SHANK2: variants seen among roughly 807,000 people sequenced by gnomAD.
The protein encoded by SHANK2 is SH3 and multiple ankyrin repeat domains 2.
In SHANK2, 43 loss-of-function variants were observed where a neutral mutation model predicts 133.7. The observed-to-expected ratio is 0.32, with a 90% confidence interval of 0.25 to 0.41. The LOEUF is 0.41. Among genes scored for constraint, SHANK2 ranks in the 10% least tolerant of loss-of-function variants. SHANK2 has a pLI of 1.00. For synonymous variants in SHANK2, 1,017 were observed against 952.8 expected, an observed-to-expected ratio of 1.07 and a Z score of -1.24; for missense variants, 1,994 against 2,235.8, an observed-to-expected ratio of 0.89 and a Z score of 2.18.
chr11:71,155,862 A>T (rs1168067846), intron 2 of SHANK2, among the ~76,000 whole-genome samples: 1 of 152,192 alleles, frequency 6.6e-6, no homozygotes, highest in East Asian at 1.9e-4. Context: ...TCAAATCCGT[A>T]TGTGGAAGTC....
At chr11:70,661,727 A>C (rs200913076) in intron 15 of SHANK2, 49 bp from the exon 16 acceptor site, 1 of 1,614,142 alleles carries the variant, frequency 6.2e-7, no homozygotes, top group Non-Finnish European at 8.5e-7. Flanking sequence ...GCCCGTCATC[A>C]TCACCGCGGC....
chr11:70,605,155 C>T lies in SHANK2; in HGVS notation c.2061+54673G>A, dbSNP rs528460112. ...GGGATGGCGCTTTTTAACAGGGCCA[C>T]GTGTCTTTCTACATAAAAAAAGCCC... On this transcript the variant is annotated intron_variant, in intron 17 of 25. Transcript: ENST00000601538. Among the ~76,000 whole-genome samples the T allele has an allele frequency of 1.1e-3, 161 of 152,100 alleles. 1 individual carries two copies. Among genetic ancestry groups the T allele is most frequent in the Admixed American group, 5.6e-3 (86 of 15,272 alleles).
At chr11:70,595,195 TG>T (rs1284298997) in intron 17 of SHANK2, among the ~76,000 whole-genome samples, 13 of 151,760 alleles carry the variant, frequency 8.6e-5, no homozygotes, top group East Asian at 5.9e-4. Flanking sequence ...CCGGATGGAG[TG>T]GGGGGTGGCC....
At chr11:70,879,508 C>G (rs940208572) in intron 11 of SHANK2, among the ~76,000 whole-genome samples, 2 of 152,192 alleles carry the variant, frequency 1.3e-5, no homozygotes, top group Non-Finnish European at 2.9e-5. Flanking sequence ...AGAGAGGTGC[C>G]GTGGCTGGTC....
chr11:70,779,512 G>T (rs918713692), intron 14 of SHANK2, among the ~76,000 whole-genome samples: 1 of 152,100 alleles, frequency 6.6e-6, no homozygotes, highest in African/African-American at 2.4e-5. Context: ...AACCAAACAT[G>T]GGTATGCTGA....
intron 3 of SHANK2, among the ~76,000 whole-genome samples, chr11:71,124,937 G>A (rs557935909): frequency 6.6e-6 from 1 of 152,294 alleles, no homozygotes; most frequent in African/African-American, 2.4e-5. Context: ...TTCTTGTACT[G>A]TCAAATTTTT....
intron 2 of SHANK2, among the ~76,000 whole-genome samples, chr11:71,160,477 G>A (rs1952991914): frequency 6.6e-6 from 1 of 152,168 alleles, no homozygotes; most frequent in Non-Finnish European, 1.5e-5. Context: ...CAGCATGCGT[G>A]TTCACGTGTG....
chr11:71,104,731 T>G (rs1176922476), intron 6 of SHANK2, among the ~76,000 whole-genome samples: 4 of 152,192 alleles, frequency 2.6e-5, no homozygotes, highest in African/African-American at 9.6e-5. Context: ...GGGTCCCCAC[T>G]TCCCTGCCCC....
chr11:71,215,261 C>A (rs1195001638), intron 2 of SHANK2, among the ~76,000 whole-genome samples: 1 of 152,236 alleles, frequency 6.6e-6, no homozygotes, highest in Admixed American at 6.5e-5. Context: ...CCACCACAGT[C>A]TCAGCAGGGG....
At position 70,804,054 on chromosome 11, in the gene SHANK2, C is replaced by T. The variant is rs891089778; in HGVS notation, c.1663+2948G>A. ...AGGACCCCAGGGCCACCCTGGGGCC[C>T]GTCACAGCCACCCTGCCTGCCTGCT... On this transcript the variant is annotated intron_variant, in intron 13 of 25. Transcript: ENST00000601538. This position sits in a 1 kb window ranked among gnomAD's most constrained non-coding sequence, Gnocchi z 4.1. 2.0e-5 allele frequency among the ~76,000 whole-genome samples: 3 copies of T among 152,024 alleles called. No homozygotes were observed. The highest frequency in any genetic ancestry group is 4.4e-5 in the Non-Finnish European group (3 of 67,976).
intron 14 of SHANK2, among the ~76,000 whole-genome samples, chr11:70,717,532 C>T (rs1490644830): frequency 2.6e-5 from 4 of 152,184 alleles, no homozygotes; most frequent in African/African-American, 4.8e-5. Context: ...CCCCCTAAAA[C>T]ACACCAAGTG....
At chr11:71,155,475 T>C (rs1227503464) in intron 2 of SHANK2, among the ~76,000 whole-genome samples, 1 of 133,398 alleles carries the variant, frequency 7.5e-6, no homozygotes, top group African/African-American at 2.9e-5. Context: ...CTGCCCACGC[T>C]CCCAGAGGAG....
intron 10 of SHANK2, chr11:70,948,175 C>G (rs539247074): frequency 2.4e-6 from 1 of 416,452 alleles, no homozygotes; most frequent in South Asian, 1.7e-5. Context: ...CGGCTCCCAG[C>G]GTGAAGGAAA....
At position 70,787,317 on chromosome 11, in the gene SHANK2, TCACCATGAC is replaced by T. The variant is rs1426187577; in HGVS notation, c.1777+11117_1777+11125del. ...ACCACCACCAGCATCACCACCATCATCACCATGACCACCATGACCACCACCACCACCAGC... is the reference window on the plus strand; with the variant it reads ...ACCACCACCAGCATCACCACCATCATCACCATGACCACCACCACCACCAGC... On this transcript the variant is annotated intron_variant, in intron 14 of 25. Coordinates refer to ENST00000601538, the MANE Select transcript of SHANK2 (RefSeq NM_012309.5). Among the ~76,000 whole-genome samples, 11 of 129,476 alleles carry T rather than the reference TCACCATGAC, an allele frequency of 8.5e-5. No homozygotes were observed. The South Asian group carries it at 1.3e-3, about 16-fold the overall frequency. 84.9% of individuals were successfully genotyped at this position (129,476 alleles called of 152,430 possible).
chr11:71,230,711 T>C (rs890142710), intron 1 of SHANK2, among the ~76,000 whole-genome samples: 7 of 152,050 alleles, frequency 4.6e-5, no homozygotes, highest in Non-Finnish European at 8.8e-5. Context: ...TGTGTGGTTC[T>C]GGTGGAGGGA....
chr11:71,095,432 G>A (rs1555095189), intron 6 of SHANK2, among the ~76,000 whole-genome samples: 11 of 152,206 alleles, frequency 7.2e-5, no homozygotes. Flanking sequence ...TGCTAAACAA[G>A]AGGAACTACT....
intron 3 of SHANK2, among the ~76,000 whole-genome samples, chr11:71,125,043 G>A (rs1355853486): frequency 6.6e-6 from 1 of 152,120 alleles, no homozygotes; most frequent in African/African-American, 2.4e-5. Context: ...ACCCATATAA[G>A]ATAGGAAACT....
chr11:71,220,401 T>C (rs1249657605), intron 2 of SHANK2, among the ~76,000 whole-genome samples: 10 of 152,096 alleles, frequency 6.6e-5, no homozygotes, highest in African/African-American at 2.4e-4. Context: ...AAAAACCATA[T>C]GAACCTGCCA....
intron 11 of SHANK2, among the ~76,000 whole-genome samples, chr11:70,836,883 T>G (rs1948827187): frequency 1.3e-5 from 2 of 152,198 alleles, no homozygotes; most frequent in Admixed American, 6.5e-5. Context: ...ATGGGGACAT[T>G]GGGAAGTAAT....
Sources: gnomAD v4.1 joint callset for allele counts (sites outside exome capture counted in the v4.1 genomes callset) on GRCh38, gnomAD v4.1.1 for gene constraint, Gnocchi (gnomAD v3.1) non-coding constraint, MANE v1.5 for transcripts, NCBI Gene and HGNC (gene_info 2026-07-23, HGNC 2026-07-21) for gene names.